CIBAR2: variants seen among roughly 807,000 people sequenced by gnomAD.
CIBAR2 encodes the protein CBY1 interacting BAR domain containing 2.
A neutral mutation model predicts 36.2 loss-of-function variants in CIBAR2; 38 were observed. The observed-to-expected ratio is 1.05, with a 90% CI of 0.81 to 1.38. The LOEUF is 1.38. CIBAR2 is among the 40% of genes most tolerant of loss of function. CIBAR2 has a pLI of 0.00. For missense variants in CIBAR2, 481 were observed against 383.4 expected (o/e 1.25, Z -2.13); for synonymous variants, 182 against 149.5 (o/e 1.22, Z -1.58).
At chr16:85,106,645 C>T (rs1004087975) in intron 5 of CIBAR2, among the ~76,000 whole-genome samples, 2 of 152,190 alleles carry the variant, frequency 1.3e-5, no homozygotes, top group East Asian at 3.9e-4. Flanking sequence ...CAGACTCTCC[C>T]TGGAACTTCC....
chr16:85,111,670 A>T (rs943523528), intron 1 of CIBAR2, among the ~76,000 whole-genome samples: 2 of 152,040 alleles, frequency 1.3e-5, no homozygotes, highest in Non-Finnish European at 2.9e-5. Flanking sequence ...ACATGGTGAA[A>T]CCCCGTCTCT....
chr16:85,104,640 C>T (rs1170588898), intron 6 of CIBAR2, among the ~76,000 whole-genome samples: 4 of 152,070 alleles, frequency 2.6e-5, no homozygotes, highest in East Asian at 3.9e-4. Flanking sequence ...CACTTAAACC[C>T]GGGAGGCGAA....
chr16:85,110,273 C>T lies in CIBAR2; in HGVS notation c.208G>A (p.Gly70Ser), dbSNP rs764341130. The change falls in exon 2 of 9, where the codon GGC becomes AGC. Residue 70 changes from glycine (G) to serine (S), a missense_variant. Transcript: ENST00000539556. ...ACTTTGGCCAGGTCCTCAGCGAAGC[C>T]CCTCATGGTGGCCCGCAGCTCGGGG... is the stretch of plus-strand genomic sequence containing the variant. ...ENPELRATMRGFAEDLAKVQD... is the reference protein window; with the variant it reads ...ENPELRATMRSFAEDLAKVQD... 5.0e-6 allele frequency: 8 copies of T among 1,606,294 alleles called. No homozygotes were observed. The highest frequency in any genetic ancestry group is 6.8e-6 in the Non-Finnish European group (8 of 1,175,126).
Position 85,100,147 on chromosome 16 carries a change from C to A in CIBAR2, c.745G>T (p.Ala249Ser), listed in dbSNP as rs759998712. Residue 249 changes from alanine to serine, a missense_variant, in exon 8 of 9, where the codon GCC (alanine) becomes TCC (serine). Coordinates refer to ENST00000539556, the MANE Select transcript of CIBAR2 (RefSeq NM_198491.3). ...CCCACCCACACGCTCACCTGGCTGGCGAGAGACTGAAGAACAGATGGAGGG... is the reference window on the plus strand; with the variant it reads ...CCCACCCACACGCTCACCTGGCTGGAGAGAGACTGAAGAACAGATGGAGGG... ...SPPPSVLQSL[A>S]SQGTLQVQLS... The A allele has an allele frequency of 8.7e-6, 14 of 1,608,918 alleles. No individual in the cohort carries two copies. The Admixed American group carries it at 1.0e-4, about 12-fold the overall frequency.
intron 7 of CIBAR2, 64 bp from the exon 8 acceptor site, chr16:85,100,304 G>C: frequency 9.5e-7 from 1 of 1,049,286 alleles, no homozygotes; most frequent in Non-Finnish European, 1.4e-6. Context: ...TTGGGGGAGT[G>C]GGATGGAAAG....
At chr16:85,105,198 G>C (rs937067734) in intron 6 of CIBAR2, 129 bp downstream of exon 6, 1 of 563,244 alleles carries the variant, frequency 1.8e-6, no homozygotes, top group Non-Finnish European at 3.2e-6. Context: ...ACGCCTTCCA[G>C]TGCTCACACG....
intron 6 of CIBAR2, among the ~76,000 whole-genome samples, chr16:85,105,083 C>G (rs1468073023): frequency 6.6e-6 from 1 of 152,258 alleles, no homozygotes; most frequent in Non-Finnish European, 1.5e-5. Context: ...TAGGGCCACC[C>G]AGTGGCTTCC....
chr16:85,098,745 A>C lies in CIBAR2; in HGVS notation c.*440T>G. 56 of 621,606 alleles carry C rather than the reference A, an allele frequency of 9.0e-5. No homozygotes were observed. Among genetic ancestry groups the C allele is most frequent in the Non-Finnish European group, 9.6e-5 (48 of 497,564 alleles). The allele number at this position is 621,606 out of a possible 1,614,324, so 38.5% of individuals were successfully genotyped here. ...AATGATAATGGCAGCAACAAGTCTCAAGTGTTTGTTGCGCAACAGGCCGGG... is the reference window on the plus strand; with the variant it reads ...AATGATAATGGCAGCAACAAGTCTCCAGTGTTTGTTGCGCAACAGGCCGGG... On this transcript the variant is annotated 3_prime_UTR_variant, in exon 9 of 9. Coordinates refer to ENST00000539556, the MANE Select transcript of CIBAR2 (RefSeq NM_198491.3).
Position 85,110,267 on chromosome 16 carries a change from C to T in CIBAR2, c.214G>A (p.Ala72Thr), listed in dbSNP as rs775852923. The T allele has an allele frequency of 3.1e-5, 50 of 1,599,504 alleles. No individual in the cohort carries two copies. The highest frequency in any genetic ancestry group is 6.7e-5 in the South Asian group (6 of 89,656). Residue 72 changes from alanine to threonine, a missense_variant, in exon 2 of 9, where the codon GCT becomes ACT. Coordinates refer to ENST00000539556, the MANE Select transcript of CIBAR2 (RefSeq NM_198491.3). The stretch of plus-strand genomic sequence containing the variant: ...TCCTGCACTTTGGCCAGGTCCTCAG[C>T]GAAGCCCCTCATGGTGGCCCGCAGC... ...PELRATMRGF[A>T]EDLAKVQDYR... is the part of the protein sequence containing the mutation.
chr16:85,105,550 G>A (rs2144165057), intron 5 of CIBAR2, 119 bp from the exon 6 acceptor site: 1 of 701,704 alleles, frequency 1.4e-6, no homozygotes, highest in Middle Eastern at 2.5e-4. Context: ...TGCCTCAAGG[G>A]ACGTTTCTTG....
intron 6 of CIBAR2, among the ~76,000 whole-genome samples, chr16:85,103,423 G>C (rs1300907210): frequency 1.3e-5 from 2 of 152,226 alleles, no homozygotes; most frequent in African/African-American, 4.8e-5. Context: ...ATTAGCTCAA[G>C]TTCTTGCTTT....
At chr16:85,104,942 C>A (rs1354065425) in intron 6 of CIBAR2, among the ~76,000 whole-genome samples, 1 of 152,130 alleles carries the variant, frequency 6.6e-6, no homozygotes, top group Non-Finnish European at 1.5e-5. Context: ...GCTGCTGGGC[C>A]TTCACGTGGC....
chr16:85,104,098 C>T (rs2073976348), intron 6 of CIBAR2, among the ~76,000 whole-genome samples: 1 of 152,242 alleles, frequency 6.6e-6, no homozygotes, highest in African/African-American at 2.4e-5. Context: ...GGGATGGCAG[C>T]CCCGTGGGAG....
At chr16:85,102,429 G>T in intron 6 of CIBAR2, 102 bp from the exon 7 acceptor site, 1 of 725,404 alleles carries the variant, frequency 1.4e-6, no homozygotes, top group Non-Finnish European at 2.5e-6. Flanking sequence ...AGGGCTGTCC[G>T]TGTGGGGACA....
chr16:85,107,979 A>G, intron 3 of CIBAR2, 32 bp from the exon 4 acceptor site: 3 of 1,613,330 alleles, frequency 1.9e-6, no homozygotes, highest in Non-Finnish European at 2.5e-6. Flanking sequence ...GTTTCCTGGG[A>G]TCCCACAGGG....
chr16:85,101,961 C>T (rs944782713), intron 7 of CIBAR2, among the ~76,000 whole-genome samples: 21 of 152,162 alleles, frequency 1.4e-4, no homozygotes, highest in African/African-American at 4.8e-4. Flanking sequence ...AACCACCATG[C>T]CCCCGCCGAT....
chr16:85,107,694 A>T (rs2074007104), intron 4 of CIBAR2, 22 bp from the exon 5 acceptor site: 1 of 1,613,970 alleles, frequency 6.2e-7, no homozygotes, highest in Non-Finnish European at 8.5e-7. Flanking sequence ...GCTGTTAAGG[A>T]ACCAAGTTAA....
chr16:85,103,684 C>T (rs1465130273), intron 6 of CIBAR2, among the ~76,000 whole-genome samples: 5 of 152,218 alleles, frequency 3.3e-5, no homozygotes, highest in South Asian at 2.1e-4. Context: ...TAATCACTGA[C>T]GCTTCATTCC....
At chr16:85,104,145 T>C (rs930764042) in intron 6 of CIBAR2, among the ~76,000 whole-genome samples, 1 of 152,188 alleles carries the variant, frequency 6.6e-6, no homozygotes, top group Non-Finnish European at 1.5e-5. Context: ...CTGACCAGTC[T>C]TGGGTCCGGG....
Sources: allele counts gnomAD v4.1 joint callset (sites outside exome capture counted in the v4.1 genomes callset), GRCh38; gene constraint gnomAD v4.1.1; transcripts MANE v1.5; gene names NCBI Gene and HGNC (gene_info 2026-07-23, HGNC 2026-07-21).